The following RAB1A variants were observed in gnomAD, a reference collection of about 807,000 sequenced individuals.
The protein encoded by RAB1A is ras-related protein Rab-1A.
A neutral mutation model predicts 26.0 loss-of-function variants in RAB1A; 2 were observed. That is an observed-to-expected ratio of 0.08 (90% CI 0.03 to 0.24). The LOEUF is 0.24. RAB1A is among the 10% of genes least tolerant of loss of function. The pLI is 1.00. For synonymous variants in RAB1A, 84 were observed against 84.9 expected, an observed-to-expected ratio of 0.99 and a Z score of 0.06; for missense variants, 100 against 247.0, an observed-to-expected ratio of 0.40 and a Z score of 3.99.
intron 1 of RAB1A, among the ~76,000 whole-genome samples, chr2:65,109,701 C>T (rs1669649778): frequency 6.8e-6 from 1 of 146,128 alleles, no homozygotes; most frequent in South Asian, 2.2e-4. Flanking sequence ...CAGAGCGAGA[C>T]TCCATCTCAA....
At chr2:65,112,342 T>C (rs866322196) in intron 1 of RAB1A, among the ~76,000 whole-genome samples, 1 of 152,004 alleles carries the variant, frequency 6.6e-6, no homozygotes, top group Non-Finnish European at 1.5e-5. Context: ...AGATGGGGTT[T>C]CACCATGTTG....
intron 1 of RAB1A, among the ~76,000 whole-genome samples, chr2:65,112,022 G>C (rs1321848322): frequency 2.0e-5 from 3 of 151,962 alleles, no homozygotes; most frequent in Non-Finnish European, 4.4e-5. Flanking sequence ...GGTAGAGGTT[G>C]CAGTAAGCTG....
intron 1 of RAB1A, among the ~76,000 whole-genome samples, chr2:65,119,402 G>A (rs1035906645): frequency 2.6e-5 from 4 of 151,740 alleles, no homozygotes; most frequent in Admixed American, 2.6e-4. Flanking sequence ...AGCTACTCAG[G>A]AGGCTGAGGC....
intron 1 of RAB1A, among the ~76,000 whole-genome samples, chr2:65,128,376 T>C (rs746124407): frequency 1.2e-4 from 19 of 152,328 alleles, no homozygotes; most frequent in Non-Finnish European, 2.5e-4. Context: ...ATGTTCTTTA[T>C]TGTTACCAAG....
chr2:65,120,472 A>C (rs1380029915), intron 1 of RAB1A, among the ~76,000 whole-genome samples: 2 of 151,626 alleles, frequency 1.3e-5, no homozygotes, highest in African/African-American at 4.8e-5. Flanking sequence ...AAAAAAAAAA[A>C]AAAAAAAACT....
intron 3 of RAB1A, among the ~76,000 whole-genome samples, chr2:65,094,932 C>A (rs943886507): frequency 1.3e-5 from 2 of 152,164 alleles, no homozygotes; most frequent in Admixed American, 1.3e-4. Context: ...ATCTGAAGGG[C>A]AGGCTTGCCA....
intron 1 of RAB1A, among the ~76,000 whole-genome samples, chr2:65,124,128 C>G (rs1243884311): frequency 6.6e-6 from 1 of 152,066 alleles, no homozygotes; most frequent in Non-Finnish European, 1.5e-5. Context: ...CTTGGGACTA[C>G]AAGCGCACAC....
rs1558588148 is a variant in RAB1A, at chr2:65,122,154, T to TTAA, written c.23+7738_23+7739insTTA. Among the ~76,000 whole-genome samples the TTAA allele has an allele frequency of 3.1e-4, 36 of 115,798 alleles. 3 individuals carry two copies. The highest frequency in any genetic ancestry group is 1.3e-3 in the African/African-American group (34 of 26,764). The allele number at this position is 115,798 out of a possible 152,430, so 76.0% of individuals were successfully genotyped here. A position where few individuals can be genotyped will look rare whatever the true frequency, so the allele number is the denominator to read the frequency against. On this transcript the variant is annotated intron_variant, in intron 1 of 5. Transcript: ENST00000409784. Reference sequence around the variant, plus strand: ...CTGGGTGACAGAGCAAGACTCTATCTCAAAAAAAAAAAAAAAAAAAAAAAA... The same window carrying TTAA: ...CTGGGTGACAGAGCAAGACTCTATCTTAACAAAAAAAAAAAAAAAAAAAAAAAA...
intron 2 of RAB1A, 31 bp downstream of exon 2, chr2:65,104,699 CCATT>C (rs1669512069): frequency 7.1e-7 from 1 of 1,407,978 alleles, no homozygotes; most frequent in Admixed American, 2.0e-5. Flanking sequence ...ATTAATTGTA[CCATT>C]AATTGTAAAG....
intron 2 of RAB1A, among the ~76,000 whole-genome samples, chr2:65,104,501 T>C (rs1204795026): frequency 1.3e-5 from 2 of 152,226 alleles, no homozygotes; most frequent in Non-Finnish European, 2.9e-5. Context: ...ACCAAAAGTA[T>C]TAGACATTCT....
chr2:65,112,037 C>G (rs920092543), intron 1 of RAB1A, among the ~76,000 whole-genome samples: 1 of 151,656 alleles, frequency 6.6e-6, no homozygotes, highest in African/African-American at 2.4e-5. Context: ...AAGCTGATAT[C>G]GCACCACTGC....
intron 1 of RAB1A, among the ~76,000 whole-genome samples, chr2:65,129,381 T>C (rs533060177): frequency 1.3e-5 from 2 of 152,018 alleles, no homozygotes; most frequent in South Asian, 4.1e-4. Flanking sequence ...GCATCCATAT[T>C]ACCTGAAACC....
At chr2:65,110,164 G>A (rs947041707) in intron 1 of RAB1A, among the ~76,000 whole-genome samples, 1 of 152,242 alleles carries the variant, frequency 6.6e-6, no homozygotes, top group East Asian at 1.9e-4. Context: ...GGAGCCGGTC[G>A]GGCTTGGTGG....
intron 1 of RAB1A, among the ~76,000 whole-genome samples, chr2:65,107,300 G>C (rs965779530): frequency 2.1e-5 from 3 of 145,582 alleles, no homozygotes; most frequent in Non-Finnish European, 3.0e-5. Context: ...CCTAACCTCA[G>C]GTAATCTGCT....
At chr2:65,126,296 AGAGT>A (rs1028202879) in intron 1 of RAB1A, among the ~76,000 whole-genome samples, 27 of 151,854 alleles carry the variant, frequency 1.8e-4, no homozygotes, top group African/African-American at 6.3e-4. Flanking sequence ...CCTGGGTGAC[AGAGT>A]GAGACTCCAT....
In RAB1A at chr2:65,088,411, C is replaced by G. The variant is rs917630989; in HGVS notation, c.*82G>C. 16 of 1,156,246 alleles carry G rather than the reference C, an allele frequency of 1.4e-5. No homozygotes were observed. Among genetic ancestry groups the G allele is most frequent in the Middle Eastern group, 2.8e-4 (1 of 3,572 alleles). The allele number at this position is 1,156,246 out of a possible 1,614,324, so 71.6% of individuals were successfully genotyped here. A position where few individuals can be genotyped will look rare whatever the true frequency, so the allele number is the denominator to read the frequency against. Reference sequence around the variant, plus strand: ...GAATCTGTTGTAGTGCAGCTACATACAGTACAATTCAGGCAATTTTGTTTT... The same window carrying G: ...GAATCTGTTGTAGTGCAGCTACATAGAGTACAATTCAGGCAATTTTGTTTT... On this transcript the variant is annotated 3_prime_UTR_variant, in exon 6 of 6. Coordinates refer to ENST00000409784, the MANE Select transcript of RAB1A (RefSeq NM_004161.5).
rs1669055845 is a variant in RAB1A, at chr2:65,087,275, AAAAT to A, written c.*1214_*1217del. ...ATCTTCATATATGCAAAATGTCACC[AAAAT>A]AAATACATTTGCCTCAATTATCATT... On this transcript the variant is annotated 3_prime_UTR_variant, in exon 6 of 6. Transcript: ENST00000409784. 6.6e-6 allele frequency: 1 copy of A among 152,662 alleles called. No individual in the cohort carries two copies. Among genetic ancestry groups the A allele is most frequent in the Admixed American group, 6.5e-5 (1 of 15,286 alleles). 9.5% of individuals were successfully genotyped at this position (152,662 alleles called of 1,614,324 possible).
intron 1 of RAB1A, among the ~76,000 whole-genome samples, chr2:65,117,197 C>T (rs1669845334): frequency 6.6e-6 from 1 of 151,810 alleles, no homozygotes; most frequent in Admixed American, 6.6e-5. Flanking sequence ...TCTTGAGTAG[C>T]TGGGACCACA....
intron 4 of RAB1A, among the ~76,000 whole-genome samples, chr2:65,089,666 A>C (rs1467943032): frequency 2.6e-5 from 4 of 151,964 alleles, no homozygotes; most frequent in African/African-American, 9.7e-5. Flanking sequence ...TATGCAATTT[A>C]AATGTACTAC....
Sources: allele counts gnomAD v4.1 joint callset (sites outside exome capture counted in the v4.1 genomes callset), GRCh38; gene constraint gnomAD v4.1.1; transcripts MANE v1.5; gene names NCBI Gene and HGNC (gene_info 2026-07-23, HGNC 2026-07-21).